Variants in NOL4 observed in about 807,000 individuals in gnomAD.
NOL4 encodes cancer/testis antigen 125.
NOL4 carries 17 observed loss-of-function variants against 75.9 expected under a neutral mutation model. The ratio of observed to expected loss-of-function variants is 0.22; its 90% confidence interval spans 0.15 to 0.34. The LOEUF (loss-of-function observed/expected upper bound fraction) is 0.34, where lower values mean the gene tolerates loss of function less well. NOL4 is among the 10% of genes least tolerant of loss of function. The pLI, the probability that NOL4 is intolerant of heterozygous loss-of-function variation, is 1.00. For missense variants in NOL4, 614 were observed against 793.5 expected (o/e 0.77, Z 2.72); for synonymous variants, 292 against 289.9 (o/e 1.01, Z -0.07).
chr18:33,856,870 C>T (rs146388352), intron 10 of NOL4, among the ~76,000 whole-genome samples: 4 of 152,130 alleles, frequency 2.6e-5, no homozygotes, highest in Non-Finnish European at 5.9e-5. Context: ...AGGTCTACTA[C>T]TGAGGAGAGT....
intron 6 of NOL4, among the ~76,000 whole-genome samples, chr18:33,993,629 G>A (rs981059654): frequency 6.6e-6 from 1 of 151,860 alleles, no homozygotes; most frequent in African/African-American, 2.4e-5. Flanking sequence ...AACTGTATGA[G>A]TGAGCAGATG....
chr18:34,081,321 A>T (rs1339690379), intron 5 of NOL4, among the ~76,000 whole-genome samples: 5 of 152,168 alleles, frequency 3.3e-5, no homozygotes, highest in Non-Finnish European at 7.4e-5. Context: ...GTAGGACTGA[A>T]CATATTTGAT....
chr18:33,942,719 G>A (rs1449052753), intron 9 of NOL4, among the ~76,000 whole-genome samples: 4 of 151,818 alleles, frequency 2.6e-5, no homozygotes, highest in Non-Finnish European at 5.9e-5. Flanking sequence ...AAATGAACAT[G>A]ATCAGGTCAC....
chr18:34,217,503 T>C (rs2036984669), intron 1 of NOL4, among the ~76,000 whole-genome samples: 1 of 151,984 alleles, frequency 6.6e-6, no homozygotes, highest in South Asian at 2.1e-4. Flanking sequence ...CCCAGGCTGG[T>C]CTCAAACTCC....
At chr18:34,010,066 C>T (rs2074282127) in intron 6 of NOL4, among the ~76,000 whole-genome samples, 1 of 151,550 alleles carries the variant, frequency 6.6e-6, no homozygotes, top group South Asian at 2.1e-4. Flanking sequence ...CTCTTGACCC[C>T]AGCTAACCCT....
At chr18:34,202,463 C>T (rs1039257124) in intron 1 of NOL4, among the ~76,000 whole-genome samples, 1 of 151,824 alleles carries the variant, frequency 6.6e-6, no homozygotes, top group Admixed American at 6.6e-5. Flanking sequence ...TTCATTTCTA[C>T]AGCTTCTATT....
intron 5 of NOL4, among the ~76,000 whole-genome samples, chr18:34,050,127 C>T (rs991165195): frequency 2.6e-5 from 4 of 152,076 alleles, no homozygotes; most frequent in Admixed American, 1.3e-4. Context: ...CTCCAGGATA[C>T]ATATGTACCC....
chr18:34,161,413 C>T (rs1209814269), intron 1 of NOL4, among the ~76,000 whole-genome samples: 1 of 152,098 alleles, frequency 6.6e-6, no homozygotes. Context: ...TTTACATTCC[C>T]ACCAACCTTG....
intron 6 of NOL4, among the ~76,000 whole-genome samples, chr18:34,000,711 A>G (rs1400180357): frequency 6.6e-6 from 1 of 152,134 alleles, no homozygotes. Flanking sequence ...CAGTGTAAGC[A>G]CTTGATAATG....
intron 9 of NOL4, among the ~76,000 whole-genome samples, chr18:33,922,936 T>G (rs1489265056): frequency 1.3e-5 from 2 of 152,168 alleles, no homozygotes; most frequent in Non-Finnish European, 2.9e-5. Flanking sequence ...TATACATCCT[T>G]TTGTAATTAT....
chr18:34,063,739 T>C (rs2077156065), intron 5 of NOL4, among the ~76,000 whole-genome samples: 1 of 152,036 alleles, frequency 6.6e-6, no homozygotes. Flanking sequence ...GAAACAAAAA[T>C]ATAAACAAAC....
At chr18:33,930,191 TTTTAA>T (rs2067595541) in intron 9 of NOL4, among the ~76,000 whole-genome samples, 1 of 152,142 alleles carries the variant, frequency 6.6e-6, no homozygotes, top group Non-Finnish European at 1.5e-5. Flanking sequence ...CTGTAAAACA[TTTTAA>T]TTTAATATGT....
At chr18:34,056,984 G>A (rs2076859166) in intron 5 of NOL4, among the ~76,000 whole-genome samples, 1 of 152,126 alleles carries the variant, frequency 6.6e-6, no homozygotes, top group African/African-American at 2.4e-5. Context: ...ATTGAACAAG[G>A]CTTTAGTAGA....
At position 34,223,522 on chromosome 18, in the gene NOL4, C is replaced by T. The variant is rs2037461014; in HGVS notation, c.-269G>A. ...TTTTCCTGTTCCCTTAGCGGTCGGT[C>T]TCTTTAATATTTTGTGACCAGGACC... On this transcript the variant is annotated 5_prime_UTR_variant, in exon 1 of 11. Transcript: ENST00000261592. The T allele has an allele frequency of 5.4e-6, 3 of 554,234 alleles. No homozygotes were observed. Among genetic ancestry groups the T allele is most frequent in the Middle Eastern group, 4.8e-4 (1 of 2,086 alleles). The allele number at this position is 554,234 out of a possible 1,614,324, so 34.3% of individuals were successfully genotyped here. A position where few individuals can be genotyped will look rare whatever the true frequency, so the allele number is the denominator to read the frequency against.
chr18:33,860,272 A>G (rs2063042699), intron 10 of NOL4, among the ~76,000 whole-genome samples: 1 of 152,044 alleles, frequency 6.6e-6, no homozygotes, highest in African/African-American at 2.4e-5. Context: ...GCAGAGCCAA[A>G]CCATATTCTG....
At chr18:33,892,961 C>T (rs2065186148) in intron 9 of NOL4, among the ~76,000 whole-genome samples, 3 of 152,064 alleles carry the variant, frequency 2.0e-5, no homozygotes, top group Admixed American at 2.0e-4. Context: ...CTGCACCCAT[C>T]CAGAAAATAA....
intron 9 of NOL4, among the ~76,000 whole-genome samples, chr18:33,940,246 T>A (rs2145536791): frequency 1.3e-5 from 2 of 152,204 alleles, no homozygotes; most frequent in Middle Eastern, 6.8e-3. Context: ...TAAAGACACA[T>A]GCACATGTAT....
intron 1 of NOL4, among the ~76,000 whole-genome samples, chr18:34,194,972 C>T (rs1352336099): frequency 2.7e-5 from 4 of 150,246 alleles, no homozygotes; most frequent in African/African-American, 4.9e-5. Flanking sequence ...TGGGGTGAGC[C>T]GAGATCACGC....
chr18:34,168,921 T>C (rs2146247645), intron 1 of NOL4, among the ~76,000 whole-genome samples: 1 of 152,002 alleles, frequency 6.6e-6, no homozygotes, highest in African/African-American at 2.4e-5. Flanking sequence ...AAGAATGCGA[T>C]ATTAAAAATA....
Sources: gnomAD v4.1 joint callset for allele counts (sites outside exome capture counted in the v4.1 genomes callset) on GRCh38, gnomAD v4.1.1 for gene constraint, MANE v1.5 for transcripts, NCBI Gene and HGNC (gene_info 2026-07-23, HGNC 2026-07-21) for gene names.